Variants in ANK2 observed in about 807,000 individuals in gnomAD.
ANK2 encodes the protein ankyrin-2.
A neutral mutation model predicts 360.5 loss-of-function variants in ANK2; 83 were observed. The ratio of observed to expected loss-of-function variants is 0.23; its 90% CI spans 0.19 to 0.28. The LOEUF (loss-of-function observed/expected upper bound fraction) is 0.28. Ranked by LOEUF, ANK2 falls within the 10% of genes least tolerant of loss-of-function variation. The pLI, the probability that ANK2 is intolerant of heterozygous loss-of-function variation, is 1.00. For synonymous variants in ANK2, 1,740 were observed against 1,759.5 expected, an observed-to-expected ratio of 0.99 and a Z score of 0.28; for missense variants, 4,201 against 4,795.7, an observed-to-expected ratio of 0.88 and a Z score of 3.66.
the ANK2 span, among the ~76,000 whole-genome samples, chr4:112,786,044 G>T: frequency 2.0e-5 from 3 of 152,028 alleles, no homozygotes; most frequent in African/African-American, 7.2e-5. Context: ...GTTTTGCCAC[G>T]TTGGCCAGGC....
At chr4:113,271,718 C>T (rs1222081444) in intron 14 of ANK2, among the ~76,000 whole-genome samples, 2 of 152,122 alleles carry the variant, frequency 1.3e-5, no homozygotes, top group Non-Finnish European at 2.9e-5. Context: ...AAAAGAAAAA[C>T]CATATACTCA....
chr4:113,320,818 G>C (rs1404808304), intron 26 of ANK2, among the ~76,000 whole-genome samples: 1 of 152,140 alleles, frequency 6.6e-6, no homozygotes, highest in Non-Finnish European at 1.5e-5. Flanking sequence ...TTGGTTATTA[G>C]AGAGACCTGG....
At chr4:113,115,938 G>A (rs2094720168) in intron 1 of ANK2, among the ~76,000 whole-genome samples, 1 of 152,148 alleles carries the variant, frequency 6.6e-6, no homozygotes, top group Non-Finnish European at 1.5e-5. Context: ...GGGAAGGAAC[G>A]TCCATAGTCC....
chr4:112,905,494 T>C (rs2084885631), intron 2 of ANK2, among the ~76,000 whole-genome samples: 1 of 152,172 alleles, frequency 6.6e-6, no homozygotes, highest in Non-Finnish European at 1.5e-5. Context: ...GAAGATAAGA[T>C]AAAAGGAGTG....
the ANK2 span, among the ~76,000 whole-genome samples, chr4:112,803,139 C>G: frequency 2.6e-5 from 4 of 152,110 alleles, no homozygotes; most frequent in African/African-American, 4.8e-5. Flanking sequence ...AGTATTCCCT[C>G]GAGAATATCT....
chr4:112,755,856 C>T, the ANK2 span: 1 of 152,242 alleles, frequency 6.6e-6, no homozygotes, highest in Admixed American at 6.6e-5. Flanking sequence ...GGAGAAGGAA[C>T]AAAGAAATCT....
chr4:112,793,993 A>G, the ANK2 span, among the ~76,000 whole-genome samples: 1 of 152,126 alleles, frequency 6.6e-6, no homozygotes, highest in Non-Finnish European at 1.5e-5. Context: ...CACTGTGCCC[A>G]GCCAATAATT....
intron 8 of ANK2, among the ~76,000 whole-genome samples, 169 bp from the exon 9 acceptor site, chr4:113,241,942 G>GT (rs1231665191): frequency 6.6e-6 from 1 of 151,902 alleles, no homozygotes; most frequent in Non-Finnish European, 1.5e-5. Context: ...ATATTGTTTT[G>GT]TGGTTTGTGT....
chr4:113,250,103 C>T (rs886079786), intron 10 of ANK2, among the ~76,000 whole-genome samples: 1 of 152,174 alleles, frequency 6.6e-6, no homozygotes, highest in Admixed American at 6.5e-5. Context: ...GTTATTCTTA[C>T]TGCAGATGGA....
chr4:112,770,599 G>A, the ANK2 span, among the ~76,000 whole-genome samples: 1 of 152,076 alleles, frequency 6.6e-6, no homozygotes, highest in Non-Finnish European at 1.5e-5. Context: ...CCAGCTACTT[G>A]GGAGGCTGAA....
chr4:112,756,096 G>A, the ANK2 span, among the ~76,000 whole-genome samples: 29 of 151,906 alleles, frequency 1.9e-4, no homozygotes, highest in Non-Finnish European at 4.1e-4. Flanking sequence ...AAAATTAGCC[G>A]GGTGTGGTGG....
intron 2 of ANK2, among the ~76,000 whole-genome samples, chr4:113,033,128 G>C (rs1175135255): frequency 6.6e-6 from 1 of 151,978 alleles, no homozygotes; most frequent in Non-Finnish European, 1.5e-5. Context: ...CCTGGCCTTA[G>C]GAACTTGATA....
intron 1 of ANK2, among the ~76,000 whole-genome samples, chr4:113,083,052 TTTG>T (rs1214741490): frequency 1.3e-5 from 2 of 152,172 alleles, no homozygotes; most frequent in Non-Finnish European, 2.9e-5. Flanking sequence ...TATAATTTCT[TTTG>T]TTGTTTTATT....
intron 1 of ANK2, among the ~76,000 whole-genome samples, chr4:113,126,838 C>CA (rs2095690959): frequency 6.6e-6 from 1 of 152,050 alleles, no homozygotes; most frequent in Admixed American, 6.6e-5. Context: ...AAAAGAGAAC[C>CA]AAAATATAAA....
intron 1 of ANK2, among the ~76,000 whole-genome samples, chr4:112,896,594 C>A (rs1057145340): frequency 4.6e-5 from 7 of 152,324 alleles, no homozygotes; most frequent in Non-Finnish European, 5.9e-5. Context: ...ATGCTTTTCT[C>A]AAGTAAAGAA....
At chr4:112,902,168 G>A (rs1161757323) in intron 1 of ANK2, among the ~76,000 whole-genome samples, 1 of 152,242 alleles carries the variant, frequency 6.6e-6, no homozygotes. Flanking sequence ...TGTGTGTTCT[G>A]TCAGTGGAGC....
At chr4:113,113,085 A>C (rs2094457777) in intron 1 of ANK2, among the ~76,000 whole-genome samples, 1 of 152,184 alleles carries the variant, frequency 6.6e-6, no homozygotes, top group South Asian at 2.1e-4. Flanking sequence ...ATTAGTCCCA[A>C]AAAACAGAGG....
chr4:112,923,209 A>G (rs1424690580), intron 2 of ANK2, among the ~76,000 whole-genome samples: 2 of 152,186 alleles, frequency 1.3e-5, no homozygotes, highest in African/African-American at 2.4e-5. Context: ...AATTAAATAC[A>G]TTTATATTCC....
chr4:112,713,477 G>A, the ANK2 span, among the ~76,000 whole-genome samples: 1 of 152,162 alleles, frequency 6.6e-6, no homozygotes, highest in Non-Finnish European at 1.5e-5. Flanking sequence ...GCAGAGGCAG[G>A]AGAATCGCTT....
Sources: allele counts gnomAD v4.1 joint callset (sites outside exome capture counted in the v4.1 genomes callset), GRCh38; gene constraint gnomAD v4.1.1; transcripts MANE v1.5; gene names NCBI Gene and HGNC (gene_info 2026-07-23, HGNC 2026-07-21).